The following CACNA1C variants were observed in gnomAD, a reference collection of about 807,000 sequenced individuals.
CACNA1C encodes voltage-dependent L-type calcium channel subunit alpha-1C.
In CACNA1C, 30 loss-of-function variants were observed where a neutral mutation model predicts 229.0. The ratio of observed to expected loss-of-function variants is 0.13; its 90% confidence interval spans 0.10 to 0.18. The LOEUF (loss-of-function observed/expected upper bound fraction) is 0.18. Ranked by LOEUF, CACNA1C falls within the 10% of genes least tolerant of loss-of-function variation. The pLI is 1.00. For missense variants in CACNA1C, 1,658 were observed against 2,845.0 expected, an observed-to-expected ratio of 0.58 and a Z score of 9.49; for synonymous variants, 1,114 against 1,132.5, an observed-to-expected ratio of 0.98 and a Z score of 0.33.
rs1432858631 is a variant in CACNA1C at position 2,550,004 on chromosome 12, C to T, written c.1452C>T (p.Ile484=). 3.1e-6 allele frequency: 5 copies of T among 1,607,492 alleles called. No homozygotes were observed. The highest frequency in any genetic ancestry group is 1.3e-5 in the African/African-American group (1 of 74,818). ...VNTENVAGGD[I]EGENCGARLA... ...CCGAAAACGTGGCTGGAGGTGACATCGAGGGAGAAAACTGCGGGGCCAGGC... is the reference window on the plus strand; with the variant it reads ...CCGAAAACGTGGCTGGAGGTGACATTGAGGGAGAAAACTGCGGGGCCAGGC... The change falls in exon 10 of 47, where the codon ATC becomes ATT. Residue 484 remains isoleucine (I), a synonymous_variant. Coordinates refer to ENST00000399655, the MANE Select transcript of CACNA1C (RefSeq NM_000719.7).
chr12:2,146,398 C>T (rs2094711147), intron 3 of CACNA1C, among the ~76,000 whole-genome samples: 1 of 151,354 alleles, frequency 6.6e-6, no homozygotes, highest in African/African-American at 2.4e-5. Context: ...GTGTGCTCAT[C>T]ATAGTAAAAT....
intron 1 of CACNA1C, among the ~76,000 whole-genome samples, chr12:2,089,390 C>T (rs1371642531): frequency 6.6e-6 from 1 of 152,162 alleles, no homozygotes; most frequent in East Asian, 1.9e-4. Context: ...TGAGCACCTC[C>T]TATGTGTAAA....
At chr12:2,376,701 A>T (rs543707956) in intron 3 of CACNA1C, among the ~76,000 whole-genome samples, 1 of 152,098 alleles carries the variant, frequency 6.6e-6, no homozygotes, top group Non-Finnish European at 1.5e-5. Flanking sequence ...GGGCAAGACC[A>T]CCCCAAGAAC....
chr12:2,132,539 T>C (rs1345974551), intron 3 of CACNA1C, among the ~76,000 whole-genome samples: 80 of 27,028 alleles, frequency 3.0e-3, no homozygotes, highest in East Asian at 3.6e-3. Context: ...TGTCAAAGGC[T>C]TTTTCTGCAT....
chr12:2,612,205 C>T (rs1602071335), intron 29 of CACNA1C, 192 bp downstream of exon 29: 7 of 566,452 alleles, frequency 1.2e-5, no homozygotes, highest in Admixed American at 3.0e-5. Context: ...CTCCAGGAAA[C>T]ACTCTCAGCT....
chr12:2,631,697 C>T (rs1419982792), intron 29 of CACNA1C, among the ~76,000 whole-genome samples: 1 of 152,208 alleles, frequency 6.6e-6, no homozygotes, highest in African/African-American at 2.4e-5. Flanking sequence ...AACAAGAAAG[C>T]CCTGATTTGA....
intron 3 of CACNA1C, among the ~76,000 whole-genome samples, chr12:2,236,227 A>G (rs939623318): frequency 1.3e-5 from 2 of 152,188 alleles, no homozygotes; most frequent in African/African-American, 2.4e-5. Context: ...TAAAATGCAC[A>G]TCCTGATTCA....
At chr12:2,316,363 G>A (rs1347827643) in intron 3 of CACNA1C, among the ~76,000 whole-genome samples, 1 of 152,244 alleles carries the variant, frequency 6.6e-6, no homozygotes, top group Non-Finnish European at 1.5e-5. Flanking sequence ...AAATCAGTCA[G>A]TGTATGTAAT....
intron 5 of CACNA1C, among the ~76,000 whole-genome samples, chr12:2,476,445 G>T (rs947901171): frequency 6.6e-6 from 1 of 152,160 alleles, no homozygotes; most frequent in Admixed American, 6.5e-5. Context: ...GTATTAAGAC[G>T]GCTGGGGAAT....
chr12:1,980,020 T>C (rs1190774831), intron 1 of CACNA1C, among the ~76,000 whole-genome samples: 2 of 152,212 alleles, frequency 1.3e-5, no homozygotes, highest in East Asian at 1.9e-4. Flanking sequence ...TTAGACATTA[T>C]TGGAGAGAGT....
chr12:2,540,746 G>A (rs1428892038), intron 9 of CACNA1C, among the ~76,000 whole-genome samples: 4 of 152,182 alleles, frequency 2.6e-5, no homozygotes, highest in Admixed American at 2.0e-4. Context: ...AGGTTGGTAC[G>A]GAGCCAGCAC....
At chr12:2,377,542 C>T (rs1044786085) in intron 3 of CACNA1C, among the ~76,000 whole-genome samples, 3 of 152,236 alleles carry the variant, frequency 2.0e-5, no homozygotes, top group South Asian at 4.1e-4. Flanking sequence ...CAGCATGGTT[C>T]GCGTTGCAAT....
Position 2,695,880 on chromosome 12 carries a change from G to T in CACNA1C, c.*4681G>T, listed in dbSNP as rs2097838792. On this transcript the variant is annotated 3_prime_UTR_variant, in exon 47 of 47. Coordinates refer to ENST00000399655, the MANE Select transcript of CACNA1C (RefSeq NM_000719.7). ...CTGCCACATCTCTACATTGACGGGGGATGCTTGAACAACCCCCCTCACTAC... is the reference window on the plus strand; with the variant it reads ...CTGCCACATCTCTACATTGACGGGGTATGCTTGAACAACCCCCCTCACTAC... The T allele has an allele frequency of 6.6e-6, 1 of 152,172 alleles. No individual in the cohort carries two copies. The highest frequency in any genetic ancestry group is 1.5e-5 in the Non-Finnish European group (1 of 68,038). 9.4% of individuals were successfully genotyped at this position (152,172 alleles called of 1,614,324 possible).
At chr12:1,999,080 G>A (rs1367105812) in intron 1 of CACNA1C, among the ~76,000 whole-genome samples, 3 of 152,196 alleles carry the variant, frequency 2.0e-5, no homozygotes, top group Admixed American at 1.3e-4. Context: ...CCAGATCAGC[G>A]GCATCAGCGT....
intron 42 of CACNA1C, chr12:2,681,966 A>C (rs10774053): frequency 1.2e-6 from 2 of 1,603,804 alleles, no homozygotes; most frequent in Non-Finnish European, 1.7e-6. Flanking sequence ...GCACGTTCCG[A>C]TGTGTGAGGA....
At chr12:2,047,117 TA>T (rs1378778935) in intron 1 of CACNA1C, among the ~76,000 whole-genome samples, 1 of 152,194 alleles carries the variant, frequency 6.6e-6, no homozygotes, top group African/African-American at 2.4e-5. Context: ...TGGGTTTGTG[TA>T]GACTTGGGTT....
intron 1 of CACNA1C, among the ~76,000 whole-genome samples, chr12:2,105,118 G>A (rs1039600394): frequency 5.3e-5 from 8 of 152,172 alleles, no homozygotes; most frequent in African/African-American, 1.9e-4. Flanking sequence ...CTTTCAGCCA[G>A]CTGCCCCATA....
chr12:2,568,995 G>A (rs1259725020), intron 13 of CACNA1C, among the ~76,000 whole-genome samples: 1 of 152,198 alleles, frequency 6.6e-6, no homozygotes, highest in Non-Finnish European at 1.5e-5. Context: ...CTGTTAGGGA[G>A]GCTGAGAAAT....
intron 3 of CACNA1C, among the ~76,000 whole-genome samples, chr12:2,329,689 A>G (rs16929275): frequency 0.12 from 18,088 of 152,228 alleles, 2,876 homozygotes; most frequent in African/African-American, 0.37. Flanking sequence ...TTATGGGGAC[A>G]TGGTGAAGAG....
Sources: gnomAD v4.1 joint callset for allele counts (sites outside exome capture counted in the v4.1 genomes callset) on GRCh38, gnomAD v4.1.1 for gene constraint, MANE v1.5 for transcripts, NCBI Gene and HGNC (gene_info 2026-07-23, HGNC 2026-07-21) for gene names.